Variants in SOX5 observed in about 807,000 individuals in gnomAD.
SOX5 encodes transcription factor SOX-5.
Under a neutral mutation model 92.0 loss-of-function variants are expected in SOX5, and 9 were observed. The observed-to-expected ratio is 0.10, with a 90% CI of 0.06 to 0.17. The LOEUF is 0.17. Ranked by LOEUF, SOX5 falls within the 10% of genes least tolerant of loss-of-function variation. The pLI is 1.00. For synonymous variants in SOX5, 344 were observed against 336.3 expected, an observed-to-expected ratio of 1.02 and a Z score of -0.25; for missense variants, 642 against 944.5, an observed-to-expected ratio of 0.68 and a Z score of 4.20.
At position 23,986,041 on chromosome 12, in the gene SOX5, GATAAT is replaced by G. The variant is rs745452150; in HGVS notation, c.-1-90022_-1-90018del. ...CATTGGGCACATCAGGATAATCCAA[GATAAT>G]CTGTTTATTTAAGGTCAACTGATTA... On this transcript the variant is annotated intron_variant, in intron 4 of 4. Transcript: ENST00000446891. 4.0e-4 allele frequency among the ~76,000 whole-genome samples: 61 copies of G among 152,104 alleles called. 2 individuals are homozygous for G. Among genetic ancestry groups the G allele is most frequent in the Non-Finnish European group, 8.8e-5 (6 of 67,986 alleles).
In SOX5 at chr12:24,266,177, G is replaced by A. The variant is rs576163451; in HGVS notation, c.-77+11039C>T. ...GATCCAGCTGCCTCAGCCTCCCAAC[G>A]TGCTAGAATTACTAAAGGCTAAGCC... On this transcript the variant is annotated intron_variant, in intron 3 of 4. Coordinates refer to the SOX5 transcript ENST00000446891. Among the ~76,000 whole-genome samples the A allele has an allele frequency of 7.4e-4, 113 of 151,918 alleles. 1 individual carries two copies. Among genetic ancestry groups the A allele is most frequent in the Middle Eastern group, 3.4e-3 (1 of 294 alleles).
At chr12:24,118,467 CACAG>C (rs1565472934) in intron 4 of SOX5, among the ~76,000 whole-genome samples, 1 of 151,992 alleles carries the variant, frequency 6.6e-6, no homozygotes, top group Non-Finnish European at 1.5e-5. Context: ...AATTCATTGA[CACAG>C]ACAGTTCTCA....
intron 11 of SOX5, among the ~76,000 whole-genome samples, chr12:23,561,549 C>T (rs750502991): frequency 1.4e-4 from 21 of 152,052 alleles, no homozygotes; most frequent in Admixed American, 4.6e-4. Flanking sequence ...TATTGCCCTC[C>T]GATGTGAATG....
intron 3 of SOX5, among the ~76,000 whole-genome samples, chr12:24,248,265 A>G (rs1207968579): frequency 6.6e-6 from 1 of 152,202 alleles, no homozygotes; most frequent in Non-Finnish European, 1.5e-5. Flanking sequence ...GGGAAAATTC[A>G]TAGGGTGGCT....
upstream of SOX5, among the ~76,000 whole-genome samples, chr12:23,950,347 T>C (rs1268928902): frequency 6.6e-6 from 1 of 151,966 alleles, no homozygotes; most frequent in Non-Finnish European, 1.5e-5. Flanking sequence ...GATTGAAATA[T>C]AGCAGAGGCC....
chr12:23,791,315 G>T (rs547108897), intron 3 of SOX5, among the ~76,000 whole-genome samples: 2 of 152,292 alleles, frequency 1.3e-5, no homozygotes, highest in East Asian at 3.9e-4. Context: ...TTTAGAAACA[G>T]AGTCTCACTA....
intron 1 of SOX5, among the ~76,000 whole-genome samples, chr12:24,511,077 A>T (rs1949262318): frequency 6.6e-6 from 1 of 152,194 alleles, no homozygotes. Context: ...ACTTTATTGC[A>T]CTAGGCTGGG....
chr12:23,752,537 G>A (rs2094212546), intron 4 of SOX5, among the ~76,000 whole-genome samples: 1 of 151,804 alleles, frequency 6.6e-6, no homozygotes, highest in African/African-American at 2.4e-5. Context: ...CCTCAGGTGA[G>A]GTACCAATGC....
chr12:24,191,382 A>G (rs1390134086), intron 4 of SOX5, among the ~76,000 whole-genome samples: 1 of 152,016 alleles, frequency 6.6e-6, no homozygotes, highest in Non-Finnish European at 1.5e-5. Flanking sequence ...TGCGTTGAGG[A>G]TTTAGTGTGT....
chr12:24,129,091 T>G (rs1304363456), intron 4 of SOX5, among the ~76,000 whole-genome samples: 1 of 152,210 alleles, frequency 6.6e-6, no homozygotes, highest in Non-Finnish European at 1.5e-5. Context: ...AACTTCACAT[T>G]GTGATTATAA....
chr12:23,778,469 T>C (rs2095176019), intron 3 of SOX5, among the ~76,000 whole-genome samples: 1 of 152,158 alleles, frequency 6.6e-6, no homozygotes, highest in Admixed American at 6.5e-5. Flanking sequence ...AAGCCTAGCA[T>C]GTTTCAAAAG....
At chr12:24,324,100 T>C (rs1316786623) in intron 2 of SOX5, among the ~76,000 whole-genome samples, 5 of 152,132 alleles carry the variant, frequency 3.3e-5, no homozygotes, top group African/African-American at 1.2e-4. Context: ...AAGGAAGAAA[T>C]AATTATGGAA....
chr12:23,982,925 C>T (rs989242624), intron 4 of SOX5, among the ~76,000 whole-genome samples: 3 of 152,064 alleles, frequency 2.0e-5, no homozygotes, highest in African/African-American at 7.2e-5. Context: ...ATGTTTTTGA[C>T]AGCCAGCAGC....
At chr12:23,878,136 AG>A (rs1464915726) in intron 2 of SOX5, among the ~76,000 whole-genome samples, 2 of 152,036 alleles carry the variant, frequency 1.3e-5, no homozygotes, top group Admixed American at 1.3e-4. Flanking sequence ...TTATTTTTAA[AG>A]CATGTAATTA....
intron 1 of SOX5, among the ~76,000 whole-genome samples, chr12:23,913,317 G>C (rs1236551063): frequency 6.6e-6 from 1 of 151,764 alleles, no homozygotes; most frequent in Non-Finnish European, 1.5e-5. Flanking sequence ...ATTGTTGTTA[G>C]ATCTACATTA....
intron 4 of SOX5, among the ~76,000 whole-genome samples, chr12:24,166,308 C>A (rs529070133): frequency 1.3e-5 from 2 of 152,106 alleles, no homozygotes; most frequent in South Asian, 2.1e-4. Context: ...GAGTTGTCTG[C>A]GAGATATCCA....
At chr12:24,330,146 C>A (rs910380150) in intron 2 of SOX5, among the ~76,000 whole-genome samples, 5 of 150,948 alleles carry the variant, frequency 3.3e-5, no homozygotes, top group Admixed American at 6.6e-5. Flanking sequence ...ATACCTTCAA[C>A]AAAAAAGAAG....
At chr12:23,843,349 G>C (rs751011067) in intron 3 of SOX5, among the ~76,000 whole-genome samples, 1 of 151,772 alleles carries the variant, frequency 6.6e-6, no homozygotes, top group Non-Finnish European at 1.5e-5. Context: ...TATCAATGTT[G>C]GTTCATTATT....
intron 4 of SOX5, among the ~76,000 whole-genome samples, chr12:24,212,677 G>T (rs1958756885): frequency 6.6e-6 from 1 of 152,240 alleles, no homozygotes; most frequent in South Asian, 2.1e-4. Context: ...TCAAAGGCCA[G>T]TGTGGCTCTA....
Sources: gnomAD v4.1 joint callset for allele counts (sites outside exome capture counted in the v4.1 genomes callset) on GRCh38, gnomAD v4.1.1 for gene constraint, MANE v1.5 for transcripts, NCBI Gene and HGNC (gene_info 2026-07-23, HGNC 2026-07-21) for gene names.